DMXL2: variants seen among roughly 807,000 people sequenced by gnomAD.
DMXL2 encodes the protein Dmx like 2, also known as dmX-like protein 2.
In DMXL2, 103 loss-of-function variants were observed where a neutral mutation model predicts 331.1. The observed-to-expected ratio is 0.31, with a 90% CI of 0.27 to 0.37. The LOEUF (loss-of-function observed/expected upper bound fraction) is 0.37, where lower values mean the gene tolerates loss of function less well. Ranked by LOEUF, DMXL2 falls within the 10% of genes least tolerant of loss-of-function variation. DMXL2 has a pLI of 1.00. For missense variants in DMXL2, 3,171 were observed against 3,642.9 expected (o/e 0.87, Z 3.33); for synonymous variants, 1,281 against 1,252.1 (o/e 1.02, Z -0.49).
intron 23 of DMXL2, 63 bp from the exon 24 acceptor site, chr15:51,481,686 CAAT>C (rs2042020309): frequency 7.1e-7 from 1 of 1,406,362 alleles, no homozygotes; most frequent in Non-Finnish European, 9.5e-7. Flanking sequence ...CATTACAAAA[CAAT>C]AAAATACGTC....
At chr15:51,546,029 T>C (rs2048871231) in intron 7 of DMXL2, among the ~76,000 whole-genome samples, 1 of 152,064 alleles carries the variant, frequency 6.6e-6, no homozygotes, top group Non-Finnish European at 1.5e-5. Context: ...AAACAAAACA[T>C]ACAAACTAAA....
chr15:51,543,707 G>C (rs116408704), intron 8 of DMXL2, among the ~76,000 whole-genome samples: 1 of 152,036 alleles, frequency 6.6e-6, no homozygotes, highest in Non-Finnish European at 1.5e-5. Flanking sequence ...CAAGTGGCTC[G>C]TAAGTCAGAC....
intron 23 of DMXL2, among the ~76,000 whole-genome samples, chr15:51,484,723 T>G (rs568993632): frequency 2.6e-5 from 4 of 152,166 alleles, no homozygotes; most frequent in African/African-American, 9.6e-5. Context: ...GTAACAGACC[T>G]TAGTCACAAG....
chr15:51,498,463 G>A (rs571701904), intron 18 of DMXL2, 89 bp downstream of exon 18: 1,175 of 1,325,282 alleles, frequency 8.9e-4, no homozygotes, highest in Non-Finnish European at 1.1e-3. Flanking sequence ...TGAAAGTTGA[G>A]ACTGCAATTC....
rs1344620143 is a variant in DMXL2, at chr15:51,457,378, A to T, written c.8287T>A (p.Ser2763Thr). The T allele has an allele frequency of 6.2e-7, 1 of 1,614,098 alleles. No homozygotes were observed. ...CCAGTGCCCAGCCATGGCAGAGATG[A>T]AGGTGGATGCACCTGACTTGCTGAA... ...SYSASQVHPP[S>T]SLPWLGTGQT... is the part of the protein sequence containing the mutation. Residue 2763 changes from serine to threonine, a missense_variant, in exon 37 of 44, where the codon TCA becomes ACA. Transcript: ENST00000560891.
At chr15:51,458,893 G>A in intron 34 of DMXL2, 98 bp from the exon 35 acceptor site, 5 of 943,496 alleles carry the variant, frequency 5.3e-6, no homozygotes, top group African/African-American at 1.9e-5. Flanking sequence ...AGAAGAAAAT[G>A]TAGCAGCAGC....
At position 51,499,464 on chromosome 15, in the gene DMXL2, AAG is replaced by A. The variant is rs746609167; in HGVS notation, c.3758_3759del (p.Ser1253LeufsTer14). 6.2e-7 allele frequency: 1 copy of A among 1,614,044 alleles called. No homozygotes were observed. The highest frequency in any genetic ancestry group is 8.5e-7 in the Non-Finnish European group (1 of 1,180,010). On this transcript the variant is annotated frameshift_variant, in exon 18 of 44. Transcript: ENST00000560891. LOFTEE classifies it high-confidence loss of function. ...DGTPSLPVSL[S>X]WVRDGILVVG... is the part of the protein sequence containing the mutation. ...ACCACCAATATCCCATCTCTTACCCAAGAGAGAGAAACAGGCAGTGAAGGAGT... is the reference window on the plus strand; with the variant it reads ...ACCACCAATATCCCATCTCTTACCCAAGAGAGAAACAGGCAGTGAAGGAGT...
chr15:51,608,773 G>C (rs2053764068), intron 1 of DMXL2, among the ~76,000 whole-genome samples: 1 of 151,798 alleles, frequency 6.6e-6, no homozygotes, highest in South Asian at 2.1e-4. Context: ...AAAAAAAAAG[G>C]CTTTTTTAGA....
intron 8 of DMXL2, among the ~76,000 whole-genome samples, chr15:51,544,244 T>C (rs1342117677): frequency 2.6e-5 from 4 of 152,184 alleles, no homozygotes. Context: ...GGATCCCGCA[T>C]GGCTTGGTGT....
rs12102203 is a variant in DMXL2, at chr15:51,499,362, A to G, written c.3862T>C (p.Ser1288Pro). The change falls in exon 18 of 44, where the codon TCT becomes CCT. Residue 1288 changes from serine (S) to proline (P), a missense_variant. By Grantham distance (74) the Ser-to-Pro change is moderately conservative. This residue lies in a region of DMXL2 where 1,674 missense variants were observed against 1,780.2 expected (regional missense o/e 0.94). Transcript: ENST00000560891. ...VKFGDTEADS[S>P]NAEEAAMQDH... Reference sequence around the variant, plus strand: ...TGCATTGCTGCCTCTTCTGCATTAGAACTATCAGCTTCAGTGTCTCCAAAT... The same window carrying G: ...TGCATTGCTGCCTCTTCTGCATTAGGACTATCAGCTTCAGTGTCTCCAAAT... 813,613 of 1,613,468 alleles carry G rather than the reference A, an allele frequency of 0.5. 206,286 individuals are homozygous for G. The highest frequency in any genetic ancestry group is 0.52 in the Non-Finnish European group (609,991 of 1,179,862).
Position 51,498,827 on chromosome 15 carries a change from T to C in DMXL2, c.4397A>G (p.Asp1466Gly), listed in dbSNP as rs376009730. ...GATTTGAAACAGCTCTGAATACTGA[T>C]CCTCTGGTTGACTTACTGTCTGATC... ...YEDQTVSQPE[D>G]QYSELFQIQD... The change falls in exon 18 of 44, where the codon GAT (aspartate) becomes GGT (glycine). Residue 1466 changes from aspartate to glycine, a missense_variant. Coordinates refer to ENST00000560891, the MANE Select transcript of DMXL2 (RefSeq NM_001378457.1). The C allele has an allele frequency of 2.0e-5, 32 of 1,614,074 alleles. No individual in the cohort carries two copies. Among genetic ancestry groups the C allele is most frequent in the Non-Finnish European group, 2.1e-5 (25 of 1,180,022 alleles).
chr15:51,538,603 G>A, intron 9 of DMXL2, 151 bp from the exon 10 acceptor site: 4 of 582,534 alleles, frequency 6.9e-6, no homozygotes, highest in Non-Finnish European at 8.4e-6. Flanking sequence ...TGAATTTAAT[G>A]GTAAATGTAA....
Position 51,450,334 on chromosome 15 carries a change from T to C in DMXL2, c.8762A>G (p.His2921Arg). The C allele has an allele frequency of 6.2e-7, 1 of 1,613,958 alleles. No individual in the cohort carries two copies. The highest frequency in any genetic ancestry group is 8.5e-7 in the Non-Finnish European group (1 of 1,179,948). ...CTGCAGTACCGTGGCACCATGATCG[T>C]GGCACGTGAAACCTGAAGAAGAAAA... is the stretch of plus-strand genomic sequence containing the variant. ...GNSLIHGFTC[H>R]DHGATVLQYA... Residue 2921 changes from histidine (H) to arginine (R), a missense_variant, in exon 43 of 44, where the codon CAC becomes CGC. Around this residue, in one of 7 missense-constraint regions of DMXL2, gnomAD observed 766 missense variants for 940.5 expected, o/e 0.81. Transcript: ENST00000560891.
chr15:51,453,851 G>A (rs1326927294), intron 40 of DMXL2, among the ~76,000 whole-genome samples: 1 of 152,146 alleles, frequency 6.6e-6, no homozygotes, highest in Non-Finnish European at 1.5e-5. Flanking sequence ...TTTAATAACT[G>A]GAGTTGGTAA....
At position 51,499,316 on chromosome 15, in the gene DMXL2, G is replaced by C; in HGVS notation, c.3908C>G (p.Ser1303Cys). ...AACACTTTTTCTTGCCAGCATATTA[G>C]ATTTAAAGGTCGAATGATCTTGCAT... The part of the protein sequence containing the change: ...AAMQDHSTFK[S>C]NMLARKSVVE... The change falls in exon 18 of 44, where the codon TCT (serine) becomes TGT (cysteine). Residue 1303 changes from serine (S) to cysteine (C), a missense_variant. Ser to Cys is a moderately radical substitution (Grantham distance 112). Coordinates refer to ENST00000560891, the MANE Select transcript of DMXL2 (RefSeq NM_001378457.1). The C allele has an allele frequency of 6.2e-7, 1 of 1,613,884 alleles. No individual in the cohort carries two copies. Among genetic ancestry groups the C allele is most frequent in the Non-Finnish European group, 8.5e-7 (1 of 1,179,998 alleles).
chr15:51,545,675 C>T lies in DMXL2; in HGVS notation c.838G>A (p.Gly280Ser), dbSNP rs752130486. 3 of 1,613,664 alleles carry T rather than the reference C, an allele frequency of 1.9e-6. No homozygotes were observed. Among genetic ancestry groups the T allele is most frequent in the Non-Finnish European group, 2.5e-6 (3 of 1,179,736 alleles). The change falls in exon 8 of 44, where the codon GGT (glycine) becomes AGT (serine). Residue 280 changes from glycine (G) to serine (S), a missense_variant. Gly to Ser is a moderately conservative substitution (Grantham distance 56). Transcript: ENST00000560891. ...GTGGTAGTCTCACAAATCTGCTCACCCAAAAGACAGTCTTCTGGTAATAAA... is the reference window on the plus strand; with the variant it reads ...GTGGTAGTCTCACAAATCTGCTCACTCAAAAGACAGTCTTCTGGTAATAAA... ...ETLLPEDCLL[G>S]EQICETTTSS...
chr15:51,552,218 A>G (rs546426541), intron 6 of DMXL2, among the ~76,000 whole-genome samples: 1 of 152,322 alleles, frequency 6.6e-6, no homozygotes, highest in African/African-American at 2.4e-5. Context: ...TAAAGATCAT[A>G]ATCTTCATTT....
In DMXL2 at chr15:51,457,467, CTG is replaced by C. The variant is rs754817330; in HGVS notation, c.8199-3_8199-2del. On this transcript the variant is annotated splice_acceptor_variant and splice_polypyrimidine_tract_variant and intron_variant, in intron 36 of 43. Transcript: ENST00000560891. LOFTEE classifies it high-confidence loss of function. The stretch of plus-strand genomic sequence containing the variant: ...ACCACGATAATCAACATCATCTGAA[CTG>C]TGAAAAACATTCATGTGTTACTGTG... 4 of 1,613,528 alleles carry C rather than the reference CTG, an allele frequency of 2.5e-6. No individual in the cohort carries two copies. In the East Asian group the frequency reaches 6.7e-5, roughly 27 times the overall value.
chr15:51,622,717 C>T lies in DMXL2; in HGVS notation c.-172G>A. ...CGCCTTCCCTCCGCCTCGTCCCTGC[C>T]ATGGGAGCTCCTCGACCGCCGCCGC... On this transcript the variant is annotated 5_prime_UTR_variant, in exon 1 of 44. An upstream start codon of the reference 5' UTR is lost. Transcript: ENST00000560891. 7.7e-7 allele frequency: 1 copy of T among 1,301,558 alleles called. No homozygotes were observed. 80.6% of individuals were successfully genotyped at this position (1,301,558 alleles called of 1,614,324 possible).
Sources: allele counts gnomAD v4.1 joint callset (sites outside exome capture counted in the v4.1 genomes callset), GRCh38; gene constraint gnomAD v4.1.1; regional missense constraint gnomAD v4.1.1; transcripts MANE v1.5; gene names NCBI Gene and HGNC (gene_info 2026-07-23, HGNC 2026-07-21).